Variants in SMAD9 observed in about 807,000 individuals in gnomAD.
SMAD9 encodes SMAD family member 9.
Under a neutral mutation model 46.1 loss-of-function variants are expected in SMAD9, and 36 were observed. The ratio of observed to expected loss-of-function variants is 0.78; its 90% CI spans 0.60 to 1.03. SMAD9 has a LOEUF of 1.03. Among genes scored for constraint, SMAD9 ranks in the 50% least tolerant of loss-of-function variants. The probability of loss-of-function intolerance (pLI) is 0.00; values close to 1 mark genes in which losing one functional copy is unlikely to be tolerated. For missense variants in SMAD9, 572 were observed against 599.8 expected (o/e 0.95, Z 0.48); for synonymous variants, 245 against 237.1 (o/e 1.03, Z -0.31).
intron 1 of SMAD9, among the ~76,000 whole-genome samples, chr13:36,901,069 T>C (rs895266696): frequency 1.3e-5 from 2 of 152,236 alleles, no homozygotes; most frequent in African/African-American, 4.8e-5. Flanking sequence ...TGTGTGTGTA[T>C]AAACAATTGA....
At chr13:36,868,546 C>T (rs1323177197) in intron 3 of SMAD9, among the ~76,000 whole-genome samples, 1 of 152,010 alleles carries the variant, frequency 6.6e-6, no homozygotes, top group African/African-American at 2.4e-5. Flanking sequence ...TTGAGGCCAG[C>T]CTGGGCAACA....
chr13:36,880,948 G>A (rs2058397846), intron 1 of SMAD9, among the ~76,000 whole-genome samples: 1 of 151,980 alleles, frequency 6.6e-6, no homozygotes, highest in Non-Finnish European at 1.5e-5. Context: ...ACAGAAGCAA[G>A]AGTTCTTTGG....
intron 1 of SMAD9, among the ~76,000 whole-genome samples, chr13:36,880,098 A>C (rs1269583188): frequency 6.6e-6 from 1 of 152,186 alleles, no homozygotes; most frequent in Non-Finnish European, 1.5e-5. Context: ...AAATGTTTTA[A>C]TTTTAAAACT....
At chr13:36,868,705 C>G (rs927614458) in intron 3 of SMAD9, among the ~76,000 whole-genome samples, 2 of 151,920 alleles carry the variant, frequency 1.3e-5, no homozygotes, top group African/African-American at 4.8e-5. Flanking sequence ...CATACTCCAG[C>G]CTGGGTAACA....
At chr13:36,881,257 A>G (rs531710354) in intron 1 of SMAD9, among the ~76,000 whole-genome samples, 2 of 152,328 alleles carry the variant, frequency 1.3e-5, no homozygotes, top group East Asian at 1.9e-4. Flanking sequence ...GAAACCAGCT[A>G]CCTCATTAAT....
intron 1 of SMAD9, among the ~76,000 whole-genome samples, chr13:36,915,717 A>C (rs1206644530): frequency 6.6e-6 from 1 of 152,184 alleles, no homozygotes; most frequent in East Asian, 1.9e-4. Context: ...GAAGAACCAT[A>C]ATCTCTTCAG....
intron 1 of SMAD9, among the ~76,000 whole-genome samples, chr13:36,884,148 T>C (rs2058426263): frequency 6.6e-6 from 1 of 152,220 alleles, no homozygotes; most frequent in African/African-American, 2.4e-5. Context: ...GACACCGCTA[T>C]CAAACTGGCC....
At chr13:36,909,578 G>C (rs565282275) in intron 1 of SMAD9, among the ~76,000 whole-genome samples, 93 of 152,206 alleles carry the variant, frequency 6.1e-4, no homozygotes, top group Non-Finnish European at 1.1e-3. Context: ...ATTTAAGTTT[G>C]GAAGGGCCCA....
chr13:36,915,033 GGCT>G (rs1321428855), intron 1 of SMAD9, among the ~76,000 whole-genome samples: 1 of 152,176 alleles, frequency 6.6e-6, no homozygotes, highest in African/African-American at 2.4e-5. Context: ...GTAAAAAACA[GGCT>G]GTATGGAAGA....
chr13:36,911,265 C>A (rs760040040), intron 1 of SMAD9, among the ~76,000 whole-genome samples: 37 of 152,142 alleles, frequency 2.4e-4, no homozygotes, highest in Non-Finnish European at 4.9e-4. Context: ...CCCCCTTGGT[C>A]TCCCAAAGTG....
intron 2 of SMAD9, among the ~76,000 whole-genome samples, chr13:36,877,093 G>A (rs2058351832): frequency 6.6e-6 from 1 of 152,146 alleles, no homozygotes; most frequent in Admixed American, 6.6e-5. Context: ...GCCAGGTATG[G>A]TGGCTCATGC....
Position 36,863,515 on chromosome 13 carries a change from T to C in SMAD9, c.1003+2022A>G, listed in dbSNP as rs574042390. ...AACAACACAGGAGCTACTGATATAA[T>C]TGGGATATTTGACTCCTCCAAATCT... On this transcript the variant is annotated intron_variant, in intron 5 of 6. Transcript: ENST00000379826. Among the ~76,000 whole-genome samples, 5 of 152,196 alleles carry C rather than the reference T, an allele frequency of 3.3e-5. No homozygotes were observed. The East Asian group carries it at 5.8e-4, about 18-fold the overall frequency.
intron 5 of SMAD9, among the ~76,000 whole-genome samples, chr13:36,855,712 G>A (rs2058117691): frequency 6.6e-6 from 1 of 152,116 alleles, no homozygotes; most frequent in Non-Finnish European, 1.5e-5. Flanking sequence ...GTCCTAAGTA[G>A]CACTTGAGGC....
At position 36,865,656 on chromosome 13, in the gene SMAD9, C is replaced by G; in HGVS notation, c.884G>C (p.Ser295Thr). Residue 295 changes from serine (S) to threonine (T), a missense_variant, in exon 5 of 7, where the codon AGT (serine) becomes ACT (threonine). Coordinates refer to ENST00000379826, the MANE Select transcript of SMAD9 (RefSeq NM_001127217.3). ...VGETFQASSR[S>T]VLIDGFTDPS... The stretch of plus-strand genomic sequence containing the variant: ...GTCGGTGAACCCATCTATGAGCACA[C>G]TTCGGGAGGAAGCCTGGAATGTCTC... The G allele has an allele frequency of 6.2e-7, 1 of 1,614,124 alleles. No homozygotes were observed. The highest frequency in any genetic ancestry group is 8.5e-7 in the Non-Finnish European group (1 of 1,179,980).
At position 36,847,588 on chromosome 13, in the gene SMAD9, A is replaced by G. The variant is rs953270358; in HGVS notation, c.*1088T>C. ...TAATCACTAGACACTAGGTTAAATAACTCATTGATCCAATAATGTGTCTAG... is the reference window on the plus strand; with the variant it reads ...TAATCACTAGACACTAGGTTAAATAGCTCATTGATCCAATAATGTGTCTAG... On this transcript the variant is annotated 3_prime_UTR_variant, in exon 7 of 7. Coordinates refer to ENST00000379826, the MANE Select transcript of SMAD9 (RefSeq NM_001127217.3). 1 of 152,178 alleles carries G rather than the reference A, an allele frequency of 6.6e-6. No homozygotes were observed. Among genetic ancestry groups the G allele is most frequent in the African/African-American group, 2.4e-5 (1 of 41,430 alleles). 9.4% of individuals were successfully genotyped at this position (152,178 alleles called of 1,614,324 possible).
At chr13:36,869,018 G>T (rs2058262685) in intron 3 of SMAD9, among the ~76,000 whole-genome samples, 1 of 151,966 alleles carries the variant, frequency 6.6e-6, no homozygotes, top group African/African-American at 2.4e-5. Flanking sequence ...ACACAAAGGG[G>T]CAAATATTGC....
chr13:36,898,059 C>T lies in SMAD9; in HGVS notation c.-186-18184G>A, dbSNP rs544898393. 2.6e-4 allele frequency among the ~76,000 whole-genome samples: 40 copies of T among 151,762 alleles called. 1 individual carries two copies. Among genetic ancestry groups the T allele is most frequent in the Non-Finnish European group, 1.0e-4 (7 of 67,906 alleles). On this transcript the variant is annotated intron_variant, in intron 1 of 6. Coordinates refer to ENST00000379826, the MANE Select transcript of SMAD9 (RefSeq NM_001127217.3). ...ATTTTTATTAGAGACAGGGTTTCACCGTGTTAGCCAGGATGGTCTCAACCT... is the reference window on the plus strand; with the variant it reads ...ATTTTTATTAGAGACAGGGTTTCACTGTGTTAGCCAGGATGGTCTCAACCT...
At chr13:36,903,332 G>A (rs961253218) in intron 1 of SMAD9, among the ~76,000 whole-genome samples, 2 of 151,866 alleles carry the variant, frequency 1.3e-5, no homozygotes, top group Non-Finnish European at 2.9e-5. Flanking sequence ...TCACCACGTT[G>A]GTCAGGCTGG....
chr13:36,865,721 C>T lies in SMAD9; in HGVS notation c.819G>A (p.Trp273Ter). Residue 273 changes from tryptophan to a stop codon, truncating the protein, a stop_gained, in exon 5 of 7, where the codon TGG (tryptophan) becomes TGA (stop). Coordinates refer to ENST00000379826, the MANE Select transcript of SMAD9 (RefSeq NM_001127217.3). LOFTEE classifies it high-confidence loss of function. ...TCAGTTCATAGTAGGCGACCGAGCACCAGTGCTGGGGCTCCTCGTAACAAA... is the reference window on the plus strand; with the variant it reads ...TCAGTTCATAGTAGGCGACCGAGCATCAGTGCTGGGGCTCCTCGTAACAAA... ...RPVCYEEPQHWCSVAYYELNN... is the reference protein window; with the variant it reads ...RPVCYEEPQH 6.2e-7 allele frequency: 1 copy of T among 1,614,096 alleles called. No homozygotes were observed. The highest frequency in any genetic ancestry group is 8.5e-7 in the Non-Finnish European group (1 of 1,179,994).
Sources: allele counts gnomAD v4.1 joint callset (sites outside exome capture counted in the v4.1 genomes callset), GRCh38; gene constraint gnomAD v4.1.1; transcripts MANE v1.5; gene names NCBI Gene and HGNC (gene_info 2026-07-23, HGNC 2026-07-21).